The following LOC128092252 variants were observed in gnomAD, a reference collection of about 807,000 sequenced individuals.
the LOC128092252 span, among the ~76,000 whole-genome samples, chr15:50,655,558 G>A: frequency 4.0e-5 from 6 of 151,892 alleles, no homozygotes; most frequent in African/African-American, 1.4e-4. Context: ...TAGACATGCT[G>A]CTGAAAACCA....
the LOC128092252 span, among the ~76,000 whole-genome samples, chr15:50,666,817 G>A: frequency 6.6e-6 from 1 of 152,004 alleles, no homozygotes; most frequent in South Asian, 2.1e-4. Flanking sequence ...AAAAAGAAGA[G>A]GCGGTGGAGG....
At chr15:50,663,007 C>G in the LOC128092252 span, 1 of 1,613,794 alleles carries the variant, frequency 6.2e-7, no homozygotes, top group Non-Finnish European at 8.5e-7. Context: ...TATACACATT[C>G]CCTCTTGGTC....
the LOC128092252 span, among the ~76,000 whole-genome samples, chr15:50,679,489 TTA>T: frequency 3.4e-5 from 4 of 118,842 alleles, no homozygotes; most frequent in African/African-American, 6.8e-5. Flanking sequence ...TATATATATA[TTA>T]TATATATGTG....
the LOC128092252 span, among the ~76,000 whole-genome samples, chr15:50,654,727 A>G: frequency 1.3e-5 from 2 of 150,906 alleles, no homozygotes; most frequent in African/African-American, 4.8e-5. Context: ...GGCTGGGCGC[A>G]GTGGCTCACG....
the LOC128092252 span, among the ~76,000 whole-genome samples, chr15:50,682,922 G>C: frequency 4.0e-5 from 6 of 150,448 alleles, no homozygotes; most frequent in Admixed American, 4.0e-4. Context: ...TTTGAGACAG[G>C]GTCTGGTTCT....
At chr15:50,683,471 A>G in the LOC128092252 span, among the ~76,000 whole-genome samples, 1 of 151,622 alleles carries the variant, frequency 6.6e-6, no homozygotes, top group South Asian at 2.1e-4. Flanking sequence ...TCAGTGGCTC[A>G]CGCCTGTAAT....
the LOC128092252 span, among the ~76,000 whole-genome samples, chr15:50,661,554 A>T: frequency 6.6e-6 from 1 of 152,010 alleles, no homozygotes; most frequent in East Asian, 1.9e-4. Context: ...AGAATTTTTT[A>T]AAATGTTAAA....
chr15:50,652,707 C>T, the LOC128092252 span, among the ~76,000 whole-genome samples: 35 of 152,066 alleles, frequency 2.3e-4, no homozygotes, highest in African/African-American at 6.0e-4. Flanking sequence ...ACTCATTCTG[C>T]TTTGGAAAAA....
chr15:50,649,218 C>T, the LOC128092252 span, among the ~76,000 whole-genome samples: 1 of 151,958 alleles, frequency 6.6e-6, no homozygotes, highest in Non-Finnish European at 1.5e-5. Flanking sequence ...GCTGGAGGAC[C>T]TTGAGGTCAA....
the LOC128092252 span, among the ~76,000 whole-genome samples, chr15:50,657,454 C>A: frequency 6.6e-6 from 1 of 152,148 alleles, no homozygotes; most frequent in Non-Finnish European, 1.5e-5. Context: ...AGGCCCAAAT[C>A]TCTCAAATCT....
At chr15:50,662,832 G>A in the LOC128092252 span, 2 of 716,900 alleles carry the variant, frequency 2.8e-6, no homozygotes, top group African/African-American at 1.8e-5. Context: ...CAAATTAAAT[G>A]ATTAACAGTA....
At chr15:50,666,775 C>T in the LOC128092252 span, among the ~76,000 whole-genome samples, 3 of 152,028 alleles carry the variant, frequency 2.0e-5, no homozygotes, top group Non-Finnish European at 4.4e-5. Context: ...GCACTCCAGC[C>T]TGGGCAACAA....
At chr15:50,649,332 A>G in the LOC128092252 span, among the ~76,000 whole-genome samples, 7 of 151,988 alleles carry the variant, frequency 4.6e-5, no homozygotes, top group African/African-American at 1.7e-4. Context: ...CCAGCTACAC[A>G]GGAGACTAAG....
At chr15:50,663,063 T>C in the LOC128092252 span, 6 of 1,591,200 alleles carry the variant, frequency 3.8e-6, no homozygotes, top group Middle Eastern at 1.7e-4. Flanking sequence ...CAAAATGTTT[T>C]AAAGAATTGT....
chr15:50,686,629 A>G, the LOC128092252 span: 1 of 1,531,536 alleles, frequency 6.5e-7, no homozygotes, highest in Non-Finnish European at 8.8e-7. Context: ...CGGAGGCGGC[A>G]GCAGAGGCCG....
the LOC128092252 span, chr15:50,662,980 T>C: frequency 2.5e-6 from 4 of 1,613,200 alleles, no homozygotes; most frequent in Non-Finnish European, 2.5e-6. Context: ...TGAGGGTCCT[T>C]GGAACTTGGT....
At chr15:50,675,035 A>G in the LOC128092252 span, among the ~76,000 whole-genome samples, 1 of 152,154 alleles carries the variant, frequency 6.6e-6, no homozygotes, top group Non-Finnish European at 1.5e-5. Flanking sequence ...ACATAATGAC[A>G]TTAGCATGTT....
the LOC128092252 span, among the ~76,000 whole-genome samples, chr15:50,663,661 T>C: frequency 6.6e-6 from 1 of 152,186 alleles, no homozygotes; most frequent in Non-Finnish European, 1.5e-5. Flanking sequence ...TATTCTGGGA[T>C]ATGAGCCATT....
At chr15:50,650,914 C>T in the LOC128092252 span, among the ~76,000 whole-genome samples, 6 of 152,164 alleles carry the variant, frequency 3.9e-5, no homozygotes, top group Admixed American at 1.3e-4. Context: ...ATTGGCCGGG[C>T]GTGGTAGCTC....
Sources: gnomAD v4.1 joint callset for allele counts (sites outside exome capture counted in the v4.1 genomes callset) on GRCh38, gnomAD v4.1.1 for gene constraint, MANE v1.5 for transcripts.